Variants in MTHFD1L observed in about 807,000 individuals in gnomAD.
MTHFD1L encodes the protein methylenetetrahydrofolate dehydrogenase (NADP+ dependent) 1 like.
MTHFD1L carries 81 observed loss-of-function variants against 119.5 expected under a neutral mutation model. The observed-to-expected ratio is 0.68, with a 90% CI of 0.57 to 0.82. MTHFD1L has a LOEUF of 0.82. Ranked by LOEUF, MTHFD1L falls within the 40% of genes least tolerant of loss-of-function variation. The pLI, the probability that MTHFD1L is intolerant of heterozygous loss-of-function variation, is 0.00. For missense variants in MTHFD1L, 1,125 were observed against 1,253.4 expected (o/e 0.90, Z 1.55); for synonymous variants, 430 against 475.2 (o/e 0.90, Z 1.24).
At chr6:150,875,960 C>T (rs113136003) in intron 1 of MTHFD1L, 130 bp from the exon 2 acceptor site, 6 of 730,796 alleles carry the variant, frequency 8.2e-6, no homozygotes, top group African/African-American at 1.8e-5. Context: ...ACAGTGTACA[C>T]TTGGAGTGCG....
chr6:150,992,010 G>A (rs1194036694), intron 20 of MTHFD1L, among the ~76,000 whole-genome samples: 5 of 152,180 alleles, frequency 3.3e-5, no homozygotes, highest in African/African-American at 1.2e-4. Flanking sequence ...AGAAGAGTTA[G>A]TATAGTTTCT....
At chr6:150,967,333 G>A (rs545229427) in intron 19 of MTHFD1L, among the ~76,000 whole-genome samples, 12 of 152,244 alleles carry the variant, frequency 7.9e-5, no homozygotes, top group South Asian at 2.1e-4. Context: ...TTCCTCTGGC[G>A]TCTGGGGTCC....
chr6:150,971,486 A>G (rs1797998639), intron 19 of MTHFD1L, among the ~76,000 whole-genome samples: 1 of 152,248 alleles, frequency 6.6e-6, no homozygotes, highest in Non-Finnish European at 1.5e-5. Flanking sequence ...GGCGTGAGTC[A>G]CTGTGCCCAG....
chr6:151,084,999 ATATATGTATATATT>A (rs1483697061), intron 26 of MTHFD1L, among the ~76,000 whole-genome samples: 94 of 140,934 alleles, frequency 6.7e-4, no homozygotes, highest in African/African-American at 2.4e-3. Context: ...ATATATATAT[ATATATGTATATATT>A]TATATATGTA....
At chr6:150,968,576 C>CA (rs1797567816) in intron 19 of MTHFD1L, among the ~76,000 whole-genome samples, 1 of 152,070 alleles carries the variant, frequency 6.6e-6, no homozygotes, top group South Asian at 2.1e-4. Flanking sequence ...ATGGTGGGAT[C>CA]TCGGCTCACT....
At chr6:150,943,149 C>T (rs1360514176) in intron 13 of MTHFD1L, among the ~76,000 whole-genome samples, 1 of 152,064 alleles carries the variant, frequency 6.6e-6, no homozygotes, top group East Asian at 1.9e-4. Context: ...GGTGTGGTGG[C>T]AGGCGCCTAT....
intron 20 of MTHFD1L, among the ~76,000 whole-genome samples, chr6:151,002,842 A>T (rs1358513358): frequency 2.0e-4 from 30 of 152,192 alleles, no homozygotes; most frequent in Admixed American, 2.0e-3. Context: ...AGCCACTGCA[A>T]GCTGTCGGCG....
rs182092749 is a variant in MTHFD1L at position 151,009,952 on chromosome 6, G to A, written c.2259G>A (p.Gly753=). The A allele has an allele frequency of 1.9e-6, 3 of 1,603,486 alleles. No individual in the cohort carries two copies. Among genetic ancestry groups the A allele is most frequent in the African/African-American group, 1.3e-5 (1 of 74,514 alleles). Reference sequence around the variant, plus strand: ...GAGCTCTGAAGATGCATGGAGGCGGGCCAAGTGTAAGTGCCCACACCGCCT... The same window carrying A: ...GAGCTCTGAAGATGCATGGAGGCGGACCAAGTGTAAGTGCCCACACCGCCT... ...TVRALKMHGG[G]PSVTAGVPLK... The change falls in exon 21 of 28, where the codon GGG becomes GGA. Residue 753 remains glycine, a synonymous_variant. Coordinates refer to ENST00000367321, the MANE Select transcript of MTHFD1L (RefSeq NM_015440.5).
At chr6:151,098,979 C>G (rs1292664999) in intron 27 of MTHFD1L, among the ~76,000 whole-genome samples, 1 of 152,070 alleles carries the variant, frequency 6.6e-6, no homozygotes. Context: ...AGTTCAAGAC[C>G]AGCCTGGCCA....
intron 1 of MTHFD1L, among the ~76,000 whole-genome samples, chr6:150,866,871 A>C (rs1196673094): frequency 1.3e-5 from 2 of 152,124 alleles, no homozygotes; most frequent in African/African-American, 4.8e-5. Flanking sequence ...CGGGCCTTGC[A>C]GGGCGAGCCC....
Position 151,075,931 on chromosome 6 carries a change from C to T in MTHFD1L, c.2848-16536C>T, listed in dbSNP as rs547743237. ...AACTCAAAACTCAATGAGAAAATAA[C>T]GCTTTTAAAAGATGACTGAAAGATT... On this transcript the variant is annotated intron_variant, in intron 26 of 27. Coordinates refer to ENST00000367321, the MANE Select transcript of MTHFD1L (RefSeq NM_015440.5). Among the ~76,000 whole-genome samples, 38 of 152,286 alleles carry T rather than the reference C, an allele frequency of 2.5e-4. No individual in the cohort carries two copies. The South Asian group carries it at 5.0e-3, about 20-fold the overall frequency.
chr6:150,916,986 C>T (rs1349375262), intron 8 of MTHFD1L, among the ~76,000 whole-genome samples: 2 of 151,038 alleles, frequency 1.3e-5, no homozygotes, highest in African/African-American at 2.4e-5. Flanking sequence ...TTCTCAAACC[C>T]CCGACCTCAG....
At chr6:151,078,392 T>A (rs551094262) in intron 26 of MTHFD1L, among the ~76,000 whole-genome samples, 2 of 152,246 alleles carry the variant, frequency 1.3e-5, no homozygotes, top group East Asian at 3.9e-4. Flanking sequence ...AGAAGAATAT[T>A]AATTTTCTCT....
intron 24 of MTHFD1L, among the ~76,000 whole-genome samples, chr6:151,020,615 G>C (rs980283284): frequency 6.6e-6 from 1 of 152,160 alleles, no homozygotes; most frequent in Admixed American, 6.6e-5. Flanking sequence ...AGGTGTAGTA[G>C]ACTAATTGCT....
chr6:151,011,874 G>A (rs758146959), intron 21 of MTHFD1L, among the ~76,000 whole-genome samples: 5 of 151,534 alleles, frequency 3.3e-5, no homozygotes, highest in East Asian at 1.9e-4. Flanking sequence ...GGTGGCGGGC[G>A]CCTGTAATTC....
At chr6:150,889,701 A>G (rs1365842969) in intron 7 of MTHFD1L, among the ~76,000 whole-genome samples, 1 of 152,224 alleles carries the variant, frequency 6.6e-6, no homozygotes. Context: ...CTCACCAGTC[A>G]TATTGGCAGT....
At chr6:151,079,403 T>G (rs932429874) in intron 26 of MTHFD1L, among the ~76,000 whole-genome samples, 1 of 152,020 alleles carries the variant, frequency 6.6e-6, no homozygotes, top group African/African-American at 2.4e-5. Flanking sequence ...GGAATGCCAC[T>G]GGGGGCAGGG....
At chr6:151,006,648 G>T (rs186996490) in intron 20 of MTHFD1L, among the ~76,000 whole-genome samples, 16 of 152,060 alleles carry the variant, frequency 1.1e-4, no homozygotes, top group African/African-American at 3.6e-4. Flanking sequence ...TAATATATTT[G>T]TGTCCAAGTG....
chr6:151,087,806 G>T (rs551727546), intron 26 of MTHFD1L, among the ~76,000 whole-genome samples: 1 of 152,178 alleles, frequency 6.6e-6, no homozygotes, highest in Non-Finnish European at 1.5e-5. Flanking sequence ...GAGTTAACCC[G>T]AAATGGGTAG....
Sources: gnomAD v4.1 joint callset for allele counts (sites outside exome capture counted in the v4.1 genomes callset) on GRCh38, gnomAD v4.1.1 for gene constraint, MANE v1.5 for transcripts, NCBI Gene and HGNC (gene_info 2026-07-23, HGNC 2026-07-21) for gene names.